The following PRDM2 variants were observed in gnomAD, a reference collection of about 807,000 sequenced individuals.
The protein encoded by PRDM2 is PR domain zinc finger protein 2.
In PRDM2, 30 loss-of-function variants were observed where a neutral mutation model predicts 130.0. That is an observed-to-expected ratio of 0.23 (90% CI 0.17 to 0.31). PRDM2 has a LOEUF of 0.31. PRDM2 is among the 10% of genes least tolerant of loss of function. PRDM2 has a pLI of 1.00. For synonymous variants in PRDM2, 871 were observed against 782.4 expected, an observed-to-expected ratio of 1.11 and a Z score of -1.89; for missense variants, 2,011 against 2,108.4, an observed-to-expected ratio of 0.95 and a Z score of 0.90.
chr1:13,771,997 G>A lies in PRDM2; in HGVS notation c.512-1081G>A, dbSNP rs1181548021. 6 of 152,140 alleles carry A rather than the reference G, an allele frequency of 3.9e-5. No homozygotes were observed. Among genetic ancestry groups the A allele is most frequent in the Admixed American group, 3.9e-4 (6 of 15,282 alleles). The allele number at this position is 152,140 out of a possible 1,614,324, so 9.4% of individuals were successfully genotyped here. A position where few individuals can be genotyped will look rare whatever the true frequency, so the allele number is the denominator to read the frequency against. On this transcript the variant is annotated intron_variant, in intron 6 of 9. Coordinates refer to ENST00000311066, the MANE Select transcript of PRDM2 (RefSeq NM_001393986.1). The surrounding 1 kb of genome is among the most constrained non-coding windows in gnomAD (Gnocchi z 4.1). Reference sequence around the variant, plus strand: ...CTTCCCGGTAGTGATTCTCTGTTATGGAGTATGTAACTTTACGTGTATATA... The same window carrying A: ...CTTCCCGGTAGTGATTCTCTGTTATAGAGTATGTAACTTTACGTGTATATA...
At chr1:13,774,773 G>A (rs1213127930) in intron 7 of PRDM2, among the ~76,000 whole-genome samples, 5 of 152,024 alleles carry the variant, frequency 3.3e-5, no homozygotes, top group Non-Finnish European at 7.4e-5. Context: ...TCAGGAGATC[G>A]AGACTATCCT....
intron 8 of PRDM2, chr1:13,787,362 A>G (rs902912446): frequency 1.4e-5 from 14 of 984,902 alleles, no homozygotes; most frequent in Non-Finnish European, 1.7e-5. Context: ...AAAACAACAA[A>G]TTGGCCTCTT....
chr1:13,813,091 C>T (rs1388975569), intron 8 of PRDM2, among the ~76,000 whole-genome samples: 1 of 152,186 alleles, frequency 6.6e-6, no homozygotes, highest in Non-Finnish European at 1.5e-5. Flanking sequence ...GCTGCAGTCA[C>T]GACACTGTGC....
At chr1:13,802,130 C>T (rs1362857862) in intron 8 of PRDM2, among the ~76,000 whole-genome samples, 1 of 152,200 alleles carries the variant, frequency 6.6e-6, no homozygotes, top group Admixed American at 6.5e-5. Flanking sequence ...CAACCCCGGA[C>T]CCTGGGCACA....
At chr1:13,809,936 G>C (rs1431103588) in intron 8 of PRDM2, among the ~76,000 whole-genome samples, 1 of 152,156 alleles carries the variant, frequency 6.6e-6, no homozygotes, top group Non-Finnish European at 1.5e-5. Context: ...CTCTCTTCCT[G>C]GTTCACAGAC....
chr1:13,730,913 A>G, intron 2 of PRDM2, 87 bp from the exon 3 acceptor site: 1 of 946,616 alleles, frequency 1.1e-6, no homozygotes, highest in Non-Finnish European at 1.6e-6. Flanking sequence ...ATTTTTGCAT[A>G]CTTGCTTATT....
At chr1:13,725,453 C>T (rs374724820) in intron 2 of PRDM2, among the ~76,000 whole-genome samples, 14 of 152,170 alleles carry the variant, frequency 9.2e-5, no homozygotes, top group African/African-American at 2.9e-4. Context: ...GATCTGCCTG[C>T]CTCGGCCTCC....
At chr1:13,723,260 C>T (rs1366297435) in intron 2 of PRDM2, among the ~76,000 whole-genome samples, 1 of 152,194 alleles carries the variant, frequency 6.6e-6, no homozygotes, top group Non-Finnish European at 1.5e-5. Flanking sequence ...CTGTCCCCTC[C>T]TTATCTCTCC....
intron 8 of PRDM2, among the ~76,000 whole-genome samples, chr1:13,808,977 CA>C (rs35366914): frequency 0.81 from 122,572 of 152,064 alleles, 49,518 homozygotes; most frequent in Middle Eastern, 0.86. Context: ...TTAAAAATAC[CA>C]TTGCCCAATC....
chr1:13,802,923 C>A (rs61775131), intron 8 of PRDM2, among the ~76,000 whole-genome samples: 1 of 152,114 alleles, frequency 6.6e-6, no homozygotes, highest in African/African-American at 2.4e-5. Context: ...TGCAGGGGAG[C>A]GTGTGATGGG....
At chr1:13,731,922 TG>T (rs1398993469) in intron 3 of PRDM2, among the ~76,000 whole-genome samples, 2 of 152,212 alleles carry the variant, frequency 1.3e-5, no homozygotes, top group Non-Finnish European at 2.9e-5. Context: ...TGAAAGTGGT[TG>T]ATTTTATAGC....
At chr1:13,788,358 T>C (rs1263691077) in intron 8 of PRDM2, among the ~76,000 whole-genome samples, 1 of 152,250 alleles carries the variant, frequency 6.6e-6, no homozygotes, top group Non-Finnish European at 1.5e-5. Context: ...TAATTTCATC[T>C]GTGGGGTCTC....
chr1:13,811,819 A>G (rs1362656229), intron 8 of PRDM2, among the ~76,000 whole-genome samples: 2 of 152,240 alleles, frequency 1.3e-5, no homozygotes, highest in Non-Finnish European at 2.9e-5. Context: ...GGTTGCCACT[A>G]AGGTGGGGAG....
intron 6 of PRDM2, among the ~76,000 whole-genome samples, chr1:13,757,953 A>G (rs1043255264): frequency 2.6e-5 from 4 of 152,014 alleles, no homozygotes; most frequent in African/African-American, 7.2e-5. Flanking sequence ...AGTCACCCTA[A>G]CCTATCCATG....
chr1:13,747,304 C>T (rs1341744293), intron 5 of PRDM2, among the ~76,000 whole-genome samples: 1 of 152,112 alleles, frequency 6.6e-6, no homozygotes, highest in African/African-American at 2.4e-5. Context: ...TAGTTGATAC[C>T]ACTTCAATAT....
rs1557617740 is a variant in PRDM2, at chr1:13,749,452, CCCGGAGCAAGCGGAGCTCCCCCAAGAG to C, written c.482_508del (p.Ser161_Arg169del). On this transcript the variant is annotated inframe_deletion, in exon 6 of 10. Transcript: ENST00000311066. ...GCGATTGAGGAAGAGCGAGCCAGCGCCCGGAGCAAGCGGAGCTCCCCCAAGAGCCGGAAAGGTAGGAGCCCCCCGGCC... is the reference window on the plus strand; with the variant it reads ...GCGATTGAGGAAGAGCGAGCCAGCGCCCGGAAAGGTAGGAGCCCCCCGGCC... 8 of 1,509,318 alleles carry C rather than the reference CCCGGAGCAAGCGGAGCTCCCCCAAGAG, an allele frequency of 5.3e-6. No homozygotes were observed. Among genetic ancestry groups the C allele is most frequent in the Non-Finnish European group, 7.2e-6 (8 of 1,117,082 alleles). The allele number at this position is 1,509,318 out of a possible 1,614,324, so 93.5% of individuals were successfully genotyped here. A position where few individuals can be genotyped will look rare whatever the true frequency, so the allele number is the denominator to read the frequency against.
chr1:13,723,853 C>T (rs1305838357), intron 2 of PRDM2, among the ~76,000 whole-genome samples: 1 of 152,234 alleles, frequency 6.6e-6, no homozygotes, highest in East Asian at 1.9e-4. Flanking sequence ...GCAGTGACCA[C>T]TGCTCTGAGC....
intron 7 of PRDM2, among the ~76,000 whole-genome samples, chr1:13,774,055 T>A (rs1317610014): frequency 6.6e-6 from 1 of 152,246 alleles, no homozygotes; most frequent in Non-Finnish European, 1.5e-5. Context: ...ATTTAAATTC[T>A]TATTTTGTCT....
intron 1 of PRDM2, among the ~76,000 whole-genome samples, chr1:13,709,823 G>T (rs1642313397): frequency 6.6e-6 from 1 of 152,206 alleles, no homozygotes; most frequent in African/African-American, 2.4e-5. Context: ...GATTCTTGAT[G>T]TCACAATGTA....
Sources: gnomAD v4.1 joint callset for allele counts (sites outside exome capture counted in the v4.1 genomes callset) on GRCh38, gnomAD v4.1.1 for gene constraint, Gnocchi (gnomAD v3.1) non-coding constraint, MANE v1.5 for transcripts, NCBI Gene and HGNC (gene_info 2026-07-23, HGNC 2026-07-21) for gene names.